The following SLC12A4 variants were observed in gnomAD, a reference collection of about 807,000 sequenced individuals.
The protein encoded by SLC12A4 is electroneutral potassium-chloride cotransporter 1.
In SLC12A4, 84 loss-of-function variants were observed where a neutral mutation model predicts 119.2. The observed-to-expected ratio is 0.70, with a 90% CI of 0.59 to 0.85. The LOEUF is 0.85. Among genes scored for constraint, SLC12A4 ranks in the 40% least tolerant of loss-of-function variants. The probability of loss-of-function intolerance (pLI) is 0.00; values close to 1 mark genes in which losing one functional copy is unlikely to be tolerated. For missense variants in SLC12A4, 1,298 were observed against 1,476.3 expected (o/e 0.88, Z 1.98); for synonymous variants, 599 against 604.6 (o/e 0.99, Z 0.14).
chr16:67,954,191 C>T (rs1186206149), intron 6 of SLC12A4: 1 of 376,534 alleles, frequency 2.7e-6, no homozygotes. Flanking sequence ...GGAGCGCCGA[C>T]CTCCAGCAGG....
At chr16:67,965,339 C>G (rs2151341183) in intron 1 of SLC12A4, among the ~76,000 whole-genome samples, 1 of 152,252 alleles carries the variant, frequency 6.6e-6, no homozygotes, top group East Asian at 1.9e-4. Flanking sequence ...TTTGATAAAT[C>G]AGGTGCTTCA....
At chr16:67,946,410 G>T (rs2058350406) in intron 18 of SLC12A4, 28 bp downstream of exon 18, 2 of 1,602,882 alleles carry the variant, frequency 1.2e-6, no homozygotes, top group Admixed American at 1.7e-5. Flanking sequence ...CTTCACCCCT[G>T]CCCACCAGGC....
rs370880893 is a variant in SLC12A4, at chr16:67,961,638, G to T, written c.279C>A (p.Thr93=). The T allele has an allele frequency of 2.7e-5, 44 of 1,614,040 alleles. No individual in the cohort carries two copies. The African/African-American group carries it at 5.7e-4, about 21-fold the overall frequency. The change falls in exon 3 of 24, where the codon ACC becomes ACA. Residue 93 remains threonine (T), a synonymous_variant. Coordinates refer to ENST00000316341, the MANE Select transcript of SLC12A4 (RefSeq NM_005072.5). ...CCTCCTCATGCTCTTTGGCGCCCTG[G>T]GTGAGGTTGGTGTAGCTGACGAGCT... is the stretch of plus-strand genomic sequence containing the variant. ...LGKLVSYTNL[T]QGAKEHEEAE... is the part of the protein sequence containing the mutation.
intron 17 of SLC12A4, 151 bp from the exon 18 acceptor site, chr16:67,946,784 G>T: frequency 8.2e-7 from 1 of 1,225,530 alleles, no homozygotes; most frequent in East Asian, 2.4e-5. Flanking sequence ...TTTCAAGATG[G>T]GACTGCTGGC....
rs756696850 is a variant in SLC12A4, at chr16:67,945,558, G to A, written c.2848-5C>T. ...CCGATCCTTGACCAGCTGGGCCTGA[G>A]GACAATTGCAGGAGATAGCCTTGGT... On this transcript the variant is annotated splice_region_variant and splice_polypyrimidine_tract_variant and intron_variant, in intron 21 of 23. Coordinates refer to ENST00000316341, the MANE Select transcript of SLC12A4 (RefSeq NM_005072.5). 33 of 1,612,426 alleles carry A rather than the reference G, an allele frequency of 2.0e-5. No individual in the cohort carries two copies. The African/African-American group carries it at 3.6e-4, about 18-fold the overall frequency.
chr16:67,964,441 T>C (rs2030768066), intron 1 of SLC12A4, among the ~76,000 whole-genome samples: 1 of 151,754 alleles, frequency 6.6e-6, no homozygotes, highest in African/African-American at 2.4e-5. Context: ...TTCCCTGTTT[T>C]CCAACTCTTG....
In SLC12A4 at chr16:67,944,716, G is replaced by A; in HGVS notation, c.*124C>T. On this transcript the variant is annotated 3_prime_UTR_variant, in exon 24 of 24. Coordinates refer to ENST00000316341, the MANE Select transcript of SLC12A4 (RefSeq NM_005072.5). The surrounding 1 kb of genome is among the most constrained non-coding windows in gnomAD (Gnocchi z 6.6). Reference sequence around the variant, plus strand: ...TTCCAAGGAGACCTAGCAAAGCTGGGTCCAGGACAGGGCCAGGCAAGCAGG... The same window carrying A: ...TTCCAAGGAGACCTAGCAAAGCTGGATCCAGGACAGGGCCAGGCAAGCAGG... 3.4e-6 allele frequency: 5 copies of A among 1,466,258 alleles called. No individual in the cohort carries two copies. The highest frequency in any genetic ancestry group is 4.5e-6 in the Non-Finnish European group (5 of 1,110,042). 90.8% of individuals were successfully genotyped at this position (1,466,258 alleles called of 1,614,324 possible).
intron 2 of SLC12A4, chr16:67,963,237 G>A (rs946859844): frequency 3.6e-6 from 1 of 277,566 alleles, no homozygotes; most frequent in Non-Finnish European, 6.8e-6. Context: ...GGAAGTCAGA[G>A]GTGAACCACC....
At chr16:67,968,123 T>C (rs1306970266) in intron 1 of SLC12A4, among the ~76,000 whole-genome samples, 3 of 152,246 alleles carry the variant, frequency 2.0e-5, no homozygotes, top group African/African-American at 7.2e-5. Flanking sequence ...AGATGGGGTC[T>C]CGGCCCTGTC....
intron 3 of SLC12A4, among the ~76,000 whole-genome samples, chr16:67,960,522 C>T (rs1299668147): frequency 1.3e-5 from 2 of 151,646 alleles, no homozygotes; most frequent in Non-Finnish European, 1.5e-5. Context: ...CCCAGAAAGG[C>T]CCAAATCTCA....
intron 3 of SLC12A4, among the ~76,000 whole-genome samples, chr16:67,958,724 C>T (rs1191046427): frequency 6.6e-6 from 1 of 152,126 alleles, no homozygotes; most frequent in African/African-American, 2.4e-5. Flanking sequence ...TTATTAGCTC[C>T]AGCCCCTGAC....
At chr16:67,952,575 G>GA in intron 6 of SLC12A4, 150 bp from the exon 7 acceptor site, 1 of 787,934 alleles carries the variant, frequency 1.3e-6, no homozygotes, top group East Asian at 2.7e-5. Context: ...TGAGGTGGGG[G>GA]ATCACTTGAG....
intron 6 of SLC12A4, chr16:67,954,047 C>T: frequency 3.6e-6 from 1 of 281,370 alleles, no homozygotes; most frequent in Non-Finnish European, 7.3e-6. Flanking sequence ...GTATCTCCTA[C>T]CCTCTGGATC....
intron 1 of SLC12A4, among the ~76,000 whole-genome samples, chr16:67,967,446 C>G (rs1020910488): frequency 3.3e-5 from 5 of 152,226 alleles, no homozygotes; most frequent in Admixed American, 3.3e-4. Flanking sequence ...CCTGAACCAG[C>G]CTTCACCCTG....
At chr16:67,953,079 C>CA (rs1442142365) in intron 6 of SLC12A4, among the ~76,000 whole-genome samples, 2 of 151,604 alleles carry the variant, frequency 1.3e-5, no homozygotes, top group South Asian at 2.1e-4. Context: ...GTCTGGGTGA[C>CA]AGAGTGAGAC....
rs2151325454 is a variant in SLC12A4, at chr16:67,947,365, G to C, written c.2038C>G (p.Leu680Val). The change falls in exon 16 of 24, where the codon CTG (leucine) becomes GTG (valine). Residue 680 changes from leucine to valine, a missense_variant. Coordinates refer to ENST00000316341, the MANE Select transcript of SLC12A4 (RefSeq NM_005072.5). The part of the protein sequence containing the change: ...LSAARYALLR[L>V]EEGPPHTKNW... The stretch of plus-strand genomic sequence containing the variant: ...TTGGTGTGAGGAGGCCCCTCCTCCA[G>C]CCGCAACAGCGCGTAGCGGGCAGCG... 6.2e-7 allele frequency: 1 copy of C among 1,612,730 alleles called. No homozygotes were observed. The highest frequency in any genetic ancestry group is 8.5e-7 in the Non-Finnish European group (1 of 1,179,820).
In SLC12A4 at chr16:67,951,859, G is replaced by A. The variant is rs757886778; in HGVS notation, c.1096C>T (p.Pro366Ser). 2.5e-6 allele frequency: 4 copies of A among 1,613,722 alleles called. No homozygotes were observed. The highest frequency in any genetic ancestry group is 2.2e-5 in the South Asian group (2 of 91,068). Reference sequence around the variant, plus strand: ...CCAGCAGCTGCCCCGGGGATGCCAGGGATCTCGGTCACATTGTTGAGCATG... The same window carrying A: ...CCAGCAGCTGCCCCGGGGATGCCAGAGATCTCGGTCACATTGTTGAGCATG... ...YFMLNNVTEI[P>S]GIPGAAAGVL... The change falls in exon 8 of 24, where the codon CCT becomes TCT. Residue 366 changes from proline (P) to serine (S), a missense_variant. Physicochemically the swap from Pro to Ser is moderately conservative, Grantham distance 74 (BLOSUM62 -1). Coordinates refer to ENST00000316341, the MANE Select transcript of SLC12A4 (RefSeq NM_005072.5). The surrounding 1 kb of genome is among the most constrained non-coding windows in gnomAD (Gnocchi z 5.2).
At position 67,943,844 on chromosome 16, in the gene SLC12A4, G is replaced by T; in HGVS notation, c.*996C>A. On this transcript the variant is annotated 3_prime_UTR_variant, in exon 24 of 24. Coordinates refer to ENST00000316341, the MANE Select transcript of SLC12A4 (RefSeq NM_005072.5). This position sits in a 1 kb window ranked among gnomAD's most constrained non-coding sequence, Gnocchi z 4.6. The stretch of plus-strand genomic sequence containing the variant: ...CACCAGGGCAGGTACTTATGTCGGG[G>T]CTTATGCAGGGCAGAAGGGCTTTGG... The T allele has an allele frequency of 2.7e-6, 3 of 1,123,748 alleles. No individual in the cohort carries two copies. Among genetic ancestry groups the T allele is most frequent in the Non-Finnish European group, 3.8e-6 (3 of 799,134 alleles). The allele number at this position is 1,123,748 out of a possible 1,614,324, so 69.6% of individuals were successfully genotyped here. A position where few individuals can be genotyped will look rare whatever the true frequency, so the allele number is the denominator to read the frequency against.
Position 67,947,081 on chromosome 16 carries a change from C to A in SLC12A4, c.2097G>T (p.Lys699Asn). 2 of 1,604,692 alleles carry A rather than the reference C, an allele frequency of 1.2e-6. No individual in the cohort carries two copies. Among genetic ancestry groups the A allele is most frequent in the Non-Finnish European group, 1.7e-6 (2 of 1,177,408 alleles). The part of the protein sequence containing the change: ...NWRPQLLVLL[K>N]LDEDLHVKYP... ...ACTTCACGTGGAGGTCCTCGTCCAG[C>A]TTCAGCAGCACCAGCAGCTGCGGCC... is the stretch of plus-strand genomic sequence containing the variant. The change falls in exon 17 of 24, where the codon AAG becomes AAT. Residue 699 changes from lysine (K) to asparagine (N), a missense_variant. Physicochemically the swap from Lys to Asn is moderately conservative, Grantham distance 94. Transcript: ENST00000316341.
Sources: gnomAD v4.1 joint callset for allele counts (sites outside exome capture counted in the v4.1 genomes callset) on GRCh38, gnomAD v4.1.1 for gene constraint, Gnocchi (gnomAD v3.1) non-coding constraint, MANE v1.5 for transcripts, NCBI Gene and HGNC (gene_info 2026-07-23, HGNC 2026-07-21) for gene names.